The following WHRN variants were observed in gnomAD, a reference collection of about 807,000 sequenced individuals.
WHRN encodes CASK-interacting protein CIP98.
WHRN carries 41 observed loss-of-function variants against 68.3 expected under a neutral mutation model. The observed-to-expected ratio is 0.60, with a 90% CI of 0.47 to 0.78. The LOEUF is 0.78. Ranked by LOEUF, WHRN falls within the 30% of genes least tolerant of loss-of-function variation. WHRN has a pLI of 0.00. For synonymous variants in WHRN, 560 were observed against 561.3 expected (o/e 1.00, Z 0.03); for missense variants, 1,243 against 1,244.7 (o/e 1.00, Z 0.02).
At chr9:114,482,203 T>G (rs1181180395) in intron 1 of WHRN, among the ~76,000 whole-genome samples, 6 of 151,962 alleles carry the variant, frequency 3.9e-5, no homozygotes, top group Admixed American at 1.3e-4. Flanking sequence ...TGGTGAGAGA[T>G]AAAGAATCAT....
At position 114,443,495 on chromosome 9, in the gene WHRN, C is replaced by T. The variant is rs149775165; in HGVS notation, c.964-17082G>A. ...CTCGCACCAACAAGGCCTTCTTATA[C>T]AGCCACCTCTCTGGTTCCCTCCTTC... On this transcript the variant is annotated intron_variant, in intron 3 of 11. Transcript: ENST00000362057. Among the ~76,000 whole-genome samples, 1,149 of 152,318 alleles carry T rather than the reference C, an allele frequency of 7.5e-3. 15 individuals are homozygous for T. Among genetic ancestry groups the T allele is most frequent in the South Asian group, 0.034 (163 of 4,824 alleles).
At chr9:114,404,192 G>C (rs1301737235) in intron 9 of WHRN, 115 bp from the exon 10 acceptor site, 1 of 1,135,394 alleles carries the variant, frequency 8.8e-7, no homozygotes, top group Non-Finnish European at 1.3e-6. Context: ...CCCAGGCAAA[G>C]ATGGGGGAAG....
intron 1 of WHRN, among the ~76,000 whole-genome samples, chr9:114,489,636 A>G (rs548083497): frequency 6.6e-6 from 1 of 152,212 alleles, no homozygotes; most frequent in African/African-American, 2.4e-5. Flanking sequence ...CTTAATTATA[A>G]ATGTATTAGT....
intron 7 of WHRN, among the ~76,000 whole-genome samples, chr9:114,414,345 A>G (rs572529513): frequency 9.2e-5 from 14 of 152,336 alleles, no homozygotes; most frequent in African/African-American, 3.4e-4. Context: ...TCTGAAAATT[A>G]TATCAGGTAT....
rs541801179 is a variant in WHRN, at chr9:114,464,854, TGATGATGATGATGTC to T, written c.963+1398_963+1412del. ...ATGATGATGATGATGATGATGATGA[TGATGATGATGATGTC>T]GTCTGTCTGTCCCTTTGGGCTGCTA... is the stretch of plus-strand genomic sequence containing the variant. On this transcript the variant is annotated intron_variant, in intron 3 of 11. Coordinates refer to ENST00000362057, the MANE Select transcript of WHRN (RefSeq NM_015404.4). Among the ~76,000 whole-genome samples, 739 of 125,540 alleles carry T rather than the reference TGATGATGATGATGTC, an allele frequency of 5.9e-3. 3 individuals carry two copies. Among genetic ancestry groups the T allele is most frequent in the African/African-American group, 0.034 (691 of 20,462 alleles). 82.4% of individuals were successfully genotyped at this position (125,540 alleles called of 152,430 possible). A position where few individuals can be genotyped will look rare whatever the true frequency, so the allele number is the denominator to read the frequency against.
intron 3 of WHRN, among the ~76,000 whole-genome samples, chr9:114,455,643 G>A (rs10759702): frequency 0.75 from 112,770 of 150,456 alleles, 42,416 homozygotes; most frequent in East Asian, 0.96. Context: ...GAGCCCAGGA[G>A]GTCAAGGCTC....
intron 7 of WHRN, among the ~76,000 whole-genome samples, chr9:114,416,076 C>T (rs564261885): frequency 5.9e-5 from 9 of 152,262 alleles, no homozygotes; most frequent in Non-Finnish European, 1.2e-4. Flanking sequence ...CCCCTATTCA[C>T]CTTCTTTTTG....
At chr9:114,474,113 G>A (rs1841459879) in intron 2 of WHRN, among the ~76,000 whole-genome samples, 2 of 152,132 alleles carry the variant, frequency 1.3e-5, no homozygotes, top group South Asian at 2.1e-4. Flanking sequence ...AAAGAAATGA[G>A]TTCACCCCAC....
chr9:114,473,989 C>T (rs1037581109), intron 2 of WHRN, among the ~76,000 whole-genome samples: 2 of 152,156 alleles, frequency 1.3e-5, no homozygotes, highest in Admixed American at 6.5e-5. Flanking sequence ...CCCATGGCAA[C>T]ACACTCGCCC....
intron 3 of WHRN, among the ~76,000 whole-genome samples, chr9:114,440,579 C>G (rs992256636): frequency 6.6e-6 from 1 of 152,118 alleles, no homozygotes; most frequent in Admixed American, 6.5e-5. Flanking sequence ...ATACACAAAC[C>G]CTTGCAGATA....
At chr9:114,425,166 C>G in intron 4 of WHRN, 142 bp from the exon 5 acceptor site, 1 of 840,044 alleles carries the variant, frequency 1.2e-6, no homozygotes, top group Non-Finnish European at 2.1e-6. Context: ...CCAGTTCAGT[C>G]TGGGGGCTAC....
chr9:114,504,234 G>A lies in WHRN; in HGVS notation c.568C>T (p.Arg190Cys), dbSNP rs1311250842. 2 of 1,614,016 alleles carry A rather than the reference G, an allele frequency of 1.2e-6. No individual in the cohort carries two copies. The highest frequency in any genetic ancestry group is 1.3e-5 in the African/African-American group (1 of 74,928). ...CGGGCCAGGGATTTGTCGTTGACGC[G>A]CAGAATCTGGTCCCCGACCCGCAGT... Reference protein sequence around the residue: ...EGLRVGDQILRVNDKSLARVT... With the variant: ...EGLRVGDQILCVNDKSLARVT... Residue 190 changes from arginine to cysteine, a missense_variant, in exon 1 of 12, where the codon CGC (arginine) becomes TGC (cysteine). Physicochemically the swap from Arg to Cys is radical, Grantham distance 180 (BLOSUM62 -3). Coordinates refer to ENST00000362057, the MANE Select transcript of WHRN (RefSeq NM_015404.4).
At chr9:114,482,278 A>G (rs576771244) in intron 1 of WHRN, among the ~76,000 whole-genome samples, 1 of 152,350 alleles carries the variant, frequency 6.6e-6, no homozygotes, top group Non-Finnish European at 1.5e-5. Flanking sequence ...ATTGCCCCCA[A>G]AAGAAACCGT....
At chr9:114,483,506 C>CT (rs1226533529) in intron 1 of WHRN, among the ~76,000 whole-genome samples, 1 of 152,242 alleles carries the variant, frequency 6.6e-6, no homozygotes. Context: ...GCCAGCCTTT[C>CT]AAACTCACCC....
At chr9:114,490,110 T>G (rs1419813232) in intron 1 of WHRN, among the ~76,000 whole-genome samples, 2 of 152,252 alleles carry the variant, frequency 1.3e-5, no homozygotes, top group Non-Finnish European at 2.9e-5. Flanking sequence ...ACGGTCCATC[T>G]GCTCCGGCTC....
intron 3 of WHRN, among the ~76,000 whole-genome samples, chr9:114,434,889 G>A (rs940829231): frequency 4.3e-4 from 65 of 152,078 alleles, no homozygotes; most frequent in African/African-American, 1.3e-3. Flanking sequence ...AACCAATCTC[G>A]CACCTTCCTC....
chr9:114,476,102 C>A (rs1327688817), intron 2 of WHRN, among the ~76,000 whole-genome samples: 1 of 151,880 alleles, frequency 6.6e-6, no homozygotes, highest in East Asian at 1.9e-4. Context: ...GCAGCTGGGA[C>A]CACAGACACA....
Position 114,406,473 on chromosome 9 carries a change from T to G in WHRN, c.2118A>C (p.Pro706=), listed in dbSNP as rs756217407. 1.2e-6 allele frequency: 2 copies of G among 1,613,894 alleles called. No homozygotes were observed. Among genetic ancestry groups the G allele is most frequent in the Non-Finnish European group, 1.7e-6 (2 of 1,179,998 alleles). Residue 706 remains proline (P), a synonymous_variant, in exon 9 of 12, where the codon CCA becomes CCC. Coordinates refer to ENST00000362057, the MANE Select transcript of WHRN (RefSeq NM_015404.4). Reference sequence around the variant, plus strand: ...TCTGGTCTGGGTGGCCAGAGGGTGATGGGGGCAGAAGGCAGCCCCCAGCCA... The same window carrying G: ...TCTGGTCTGGGTGGCCAGAGGGTGAGGGGGGCAGAAGGCAGCCCCCAGCCA... ...ATVAGGCLLP[P]SPSGHPDQTG...
chr9:114,429,830 G>A (rs1001381781), intron 3 of WHRN, among the ~76,000 whole-genome samples: 1 of 152,178 alleles, frequency 6.6e-6, no homozygotes, highest in Non-Finnish European at 1.5e-5. Flanking sequence ...CAGGTACTCA[G>A]GCCTTACTGA....
Sources: gnomAD v4.1 joint callset for allele counts (sites outside exome capture counted in the v4.1 genomes callset) on GRCh38, gnomAD v4.1.1 for gene constraint, MANE v1.5 for transcripts, NCBI Gene and HGNC (gene_info 2026-07-23, HGNC 2026-07-21) for gene names.